Variants in TTI2 observed in about 807,000 individuals in gnomAD.
TTI2 encodes the protein TELO2 interacting protein 2.
Under a neutral mutation model 44.9 loss-of-function variants are expected in TTI2, and 26 were observed. That is an observed-to-expected ratio of 0.58 (90% CI 0.42 to 0.80). The LOEUF is 0.80. Among genes scored for constraint, TTI2 ranks in the 30% least tolerant of loss-of-function variants. The pLI, the probability that TTI2 is intolerant of heterozygous loss-of-function variation, is 0.00. For synonymous variants in TTI2, 254 were observed against 250.9 expected, an observed-to-expected ratio of 1.01 and a Z score of -0.12; for missense variants, 582 against 611.6, an observed-to-expected ratio of 0.95 and a Z score of 0.51.
intron 4 of TTI2, among the ~76,000 whole-genome samples, chr8:33,506,586 T>C (rs1022246996): frequency 9.9e-5 from 15 of 151,178 alleles, no homozygotes; most frequent in African/African-American, 3.4e-4. Context: ...AGAGGCGGGG[T>C]TTCACCATAT....
intron 4 of TTI2, among the ~76,000 whole-genome samples, chr8:33,506,942 C>A (rs1585328767): frequency 6.6e-6 from 1 of 151,470 alleles, no homozygotes; most frequent in East Asian, 2.0e-4. Context: ...TGATCTGCCT[C>A]CCTCAGCCTC....
Position 33,512,449 on chromosome 8 carries a change from G to T in TTI2, c.165C>A (p.Leu55=). Residue 55 remains leucine, a synonymous_variant, in exon 2 of 8, where the codon CTC becomes CTA. Transcript: ENST00000431156. The part of the protein sequence containing the change: ...GNVKDAVLKD[L]GDLIEATEFD... The stretch of plus-strand genomic sequence containing the variant: ...ATTCTGTGGCTTCTATTAGATCACC[G>T]AGGTCTTTAAGAACTGCATCTTTTA... 6.2e-7 allele frequency: 1 copy of T among 1,614,060 alleles called. No individual in the cohort carries two copies. Among genetic ancestry groups the T allele is most frequent in the Non-Finnish European group, 8.5e-7 (1 of 1,179,950 alleles).
intron 3 of TTI2, 53 bp downstream of exon 3, chr8:33,509,693 G>C: frequency 6.5e-7 from 1 of 1,538,398 alleles, no homozygotes. Flanking sequence ...AGAACAGCCA[G>C]GAATGACTCA....
chr8:33,508,190 T>C (rs1216617518), intron 3 of TTI2, among the ~76,000 whole-genome samples: 3 of 143,856 alleles, frequency 2.1e-5, no homozygotes, highest in African/African-American at 7.5e-5. Context: ...TTCAGAATAC[T>C]CTCTCTTGTG....
At chr8:33,505,937 G>A (rs1809277580) in intron 4 of TTI2, among the ~76,000 whole-genome samples, 1 of 152,154 alleles carries the variant, frequency 6.6e-6, no homozygotes, top group Admixed American at 6.5e-5. Flanking sequence ...ACAGATGTGA[G>A]CAACCATGCC....
In TTI2 at chr8:33,503,765, C is replaced by A. The variant is rs150296270; in HGVS notation, c.1098G>T (p.Leu366=). The change falls in exon 5 of 8, where the codon CTG becomes CTT. Residue 366 remains leucine, a synonymous_variant. Transcript: ENST00000431156. ...LLLRRTYARN[L]PAFVNRLGIL... ...GGCCTCACCTGTTCACGAAAGCCGG[C>A]AGGTTTCTTGCGTAGGTCCTGCGTA... is the stretch of plus-strand genomic sequence containing the variant. The A allele has an allele frequency of 1.2e-6, 2 of 1,613,798 alleles. No homozygotes were observed. Among genetic ancestry groups the A allele is most frequent in the Non-Finnish European group, 1.7e-6 (2 of 1,179,990 alleles).
rs1338987284 is a variant in TTI2 at position 33,500,486 on chromosome 8, A to G, written c.1264T>C (p.Ser422Pro). The G allele has an allele frequency of 6.2e-7, 1 of 1,613,950 alleles. No homozygotes were observed. The highest frequency in any genetic ancestry group is 8.5e-7 in the Non-Finnish European group (1 of 1,179,996). ...TTCAGTAAGACCACAAGTCTGCAGGAAACTCTGGAATCAGGAAGAAAAGCT... is the reference window on the plus strand; with the variant it reads ...TTCAGTAAGACCACAAGTCTGCAGGGAACTCTGGAATCAGGAAGAAAAGCT... ...LLMQHTWPRV[S>P]CRLVVLLKAL... Residue 422 changes from serine to proline, a missense_variant, in exon 7 of 8, where the codon TCC becomes CCC. By Grantham distance (74) the Ser-to-Pro change is moderately conservative. Coordinates refer to ENST00000431156, the MANE Select transcript of TTI2 (RefSeq NM_001102401.4).
intron 4 of TTI2, 79 bp downstream of exon 4, chr8:33,507,150 T>C: frequency 8.0e-7 from 1 of 1,253,928 alleles, no homozygotes. Context: ...TGTCTCTCAA[T>C]TACTACTACT....
At chr8:33,505,485 C>CTT (rs11446015) in intron 4 of TTI2, among the ~76,000 whole-genome samples, 40 of 146,960 alleles carry the variant, frequency 2.7e-4, no homozygotes, top group Middle Eastern at 3.5e-3. Flanking sequence ...GCCACTGCAC[C>CTT]TTTTTTTTTT....
chr8:33,503,120 C>T (rs1194669305), intron 6 of TTI2, among the ~76,000 whole-genome samples: 4 of 124,604 alleles, frequency 3.2e-5, no homozygotes, highest in African/African-American at 1.0e-4. Context: ...CAGTGTGAGA[C>T]TCCATTTCAA....
intron 4 of TTI2, among the ~76,000 whole-genome samples, chr8:33,504,282 T>C (rs546725950): frequency 2.3e-5 from 3 of 131,172 alleles, no homozygotes; most frequent in African/African-American, 8.6e-5. Context: ...ATACATGATA[T>C]TTACACATTT....
In TTI2 at chr8:33,512,598, C is replaced by G. The variant is rs775006549; in HGVS notation, c.16G>C (p.Ala6Pro). MELDS[A>P]LEAPSQEDSN... ...TCTTCCTGCGATGGGGCTTCCAGAG[C>G]GCTGTCAAGCTCCATTCCTGACTGC... Residue 6 changes from alanine (A) to proline (P), a missense_variant, in exon 2 of 8, where the codon GCT becomes CCT. Coordinates refer to ENST00000431156, the MANE Select transcript of TTI2 (RefSeq NM_001102401.4). 3.1e-6 allele frequency: 5 copies of G among 1,613,222 alleles called. No homozygotes were observed. The highest frequency in any genetic ancestry group is 4.2e-6 in the Non-Finnish European group (5 of 1,180,022).
chr8:33,503,373 C>T (rs553283823), intron 6 of TTI2, 56 bp downstream of exon 6: 1 of 1,612,546 alleles, frequency 6.2e-7, no homozygotes, highest in Admixed American at 1.7e-5. Flanking sequence ...TAAATACATC[C>T]AAGCAAGTTC....
In TTI2 at chr8:33,506,806, C is replaced by A. The variant is rs142515338; in HGVS notation, c.927+423G>T. Reference sequence around the variant, plus strand: ...CACCCGGGTTCAAATGATTCTTGTGCCTCAGCCTCCTGAGTAGTAGGGACT... The same window carrying A: ...CACCCGGGTTCAAATGATTCTTGTGACTCAGCCTCCTGAGTAGTAGGGACT... On this transcript the variant is annotated intron_variant, in intron 4 of 7. Transcript: ENST00000431156. Among the ~76,000 whole-genome samples the A allele has an allele frequency of 9.3e-3, 1,413 of 152,048 alleles. 21 individuals carry two copies. Among genetic ancestry groups the A allele is most frequent in the African/African-American group, 0.032 (1,325 of 41,442 alleles).
chr8:33,504,866 G>T (rs1018454153), intron 4 of TTI2, among the ~76,000 whole-genome samples: 2 of 152,096 alleles, frequency 1.3e-5, no homozygotes, highest in Admixed American at 1.3e-4. Flanking sequence ...ACCACCTTAA[G>T]AACCCCAGCC....
chr8:33,503,902 T>C lies in TTI2; in HGVS notation c.961A>G (p.Ile321Val). 1.2e-6 allele frequency: 2 copies of C among 1,613,964 alleles called. No individual in the cohort carries two copies. The highest frequency in any genetic ancestry group is 1.7e-6 in the Non-Finnish European group (2 of 1,179,990). ...VLLCLLDLFP[I>V]LEKTLHWKGD... is the part of the protein sequence containing the mutation. ...TTCCAGTGCAGGGTTTTCTCCAGGA[T>C]GGGGAATAAATCCAGCAGACACAGG... Residue 321 changes from isoleucine to valine, a missense_variant, in exon 5 of 8, where the codon ATC becomes GTC. Coordinates refer to ENST00000431156, the MANE Select transcript of TTI2 (RefSeq NM_001102401.4).
At position 33,498,798 on chromosome 8, in the gene TTI2, G is replaced by C. The variant is rs1393973357; in HGVS notation, c.*375C>G. ...GTCAGTGGGGCAAGAAATCTGGAGT[G>C]AGTGAAGAAAGCTAAGTTGTGAACA... On this transcript the variant is annotated 3_prime_UTR_variant, in exon 8 of 8. Transcript: ENST00000431156. 4 of 651,296 alleles carry C rather than the reference G, an allele frequency of 6.1e-6. No homozygotes were observed. The highest frequency in any genetic ancestry group is 5.5e-5 in the African/African-American group (3 of 54,544). 40.3% of individuals were successfully genotyped at this position (651,296 alleles called of 1,614,324 possible).
chr8:33,509,890 T>C lies in TTI2; in HGVS notation c.690A>G (p.Ser230=), dbSNP rs941087007. Residue 230 remains serine, a synonymous_variant, in exon 3 of 8, where the codon TCA becomes TCG. Coordinates refer to ENST00000431156, the MANE Select transcript of TTI2 (RefSeq NM_001102401.4). ...GCCGAGTGACCTGTTGCAGAGTCCA[T>C]GAGAAAACATGTTTGATGGCAGGGT... ...KNNPAIKHVF[S]WTLQQVTRPW... is the part of the protein sequence containing the mutation. 2 of 1,610,544 alleles carry C rather than the reference T, an allele frequency of 1.2e-6. No homozygotes were observed. The highest frequency in any genetic ancestry group is 1.1e-5 in the South Asian group (1 of 91,026).
At chr8:33,509,711 C>A in intron 3 of TTI2, 35 bp downstream of exon 3, 1 of 1,580,930 alleles carries the variant, frequency 6.3e-7, no homozygotes, top group South Asian at 1.1e-5. Context: ...TCAGTCTGTC[C>A]TGTCAACACA....
Sources: allele counts gnomAD v4.1 joint callset (sites outside exome capture counted in the v4.1 genomes callset), GRCh38; gene constraint gnomAD v4.1.1; transcripts MANE v1.5; gene names NCBI Gene and HGNC (gene_info 2026-07-23, HGNC 2026-07-21).